OPCML: variants seen among roughly 807,000 people sequenced by gnomAD.
The protein encoded by OPCML is opioid-binding protein/cell adhesion molecule.
In OPCML, 13 loss-of-function variants were observed where a neutral mutation model predicts 37.8. The ratio of observed to expected loss-of-function variants is 0.34; its 90% CI spans 0.22 to 0.55. The LOEUF is 0.55. Ranked by LOEUF, OPCML falls within the 20% of genes least tolerant of loss-of-function variation. The pLI is 0.91. For missense variants in OPCML, 341 were observed against 435.6 expected (o/e 0.78, Z 1.93); for synonymous variants, 176 against 168.8 (o/e 1.04, Z -0.33).
At chr11:133,529,509 GT>G (rs1948559693) in intron 1 of OPCML, among the ~76,000 whole-genome samples, 1 of 152,212 alleles carries the variant, frequency 6.6e-6, no homozygotes, top group African/African-American at 2.4e-5. Flanking sequence ...TCTCCACGTG[GT>G]GACTGTCTTT....
intron 4 of OPCML, among the ~76,000 whole-genome samples, chr11:132,509,544 A>G (rs1008542170): frequency 6.6e-6 from 1 of 152,138 alleles, no homozygotes; most frequent in Non-Finnish European, 1.5e-5. Context: ...GGGTCCTCGT[A>G]TTGTGTGCAG....
At chr11:132,658,008 G>A (rs1213431632) in intron 2 of OPCML, among the ~76,000 whole-genome samples, 1 of 152,130 alleles carries the variant, frequency 6.6e-6, no homozygotes, top group East Asian at 1.9e-4. Flanking sequence ...TCAAAGCAGG[G>A]AACTGTGCAA....
intron 2 of OPCML, among the ~76,000 whole-genome samples, chr11:132,717,591 T>A (rs140096440): frequency 6.6e-6 from 1 of 152,196 alleles, no homozygotes; most frequent in Non-Finnish European, 1.5e-5. Flanking sequence ...TCTCCATACT[T>A]TCTATATTTT....
intron 1 of OPCML, among the ~76,000 whole-genome samples, chr11:133,483,404 T>C (rs1182282935): frequency 2.6e-5 from 4 of 151,604 alleles, no homozygotes; most frequent in South Asian, 2.1e-4. Flanking sequence ...AAATAGATGA[T>C]TGATAGATTA....
intron 7 of OPCML, 83 bp downstream of exon 7, chr11:132,436,003 G>A: frequency 7.0e-7 from 1 of 1,438,662 alleles, no homozygotes; most frequent in Non-Finnish European, 9.4e-7. Flanking sequence ...CACAGGCCAA[G>A]CAGATTGCAA....
At chr11:132,436,509 G>T (rs2298479) in intron 6 of OPCML, 150 bp downstream of exon 6, 15 of 1,422,540 alleles carry the variant, frequency 1.1e-5, no homozygotes, top group African/African-American at 8.7e-5. Flanking sequence ...TTTTTTTCTC[G>T]TTGTAAAAAT....
rs923049938 is a variant in OPCML at position 133,421,395 on chromosome 11, G to A, written c.61+110869C>T. ...GGGTGTCACTCGGAGACCAGAAGAA[G>A]AGAAATCAGGCATTTCGTTGTGTAT... On this transcript the variant is annotated intron_variant, in intron 1 of 7. Transcript: ENST00000524381. The A allele has an allele frequency of 1.6e-5, 16 of 985,284 alleles. No homozygotes were observed. In the East Asian group the frequency reaches 3.4e-4, roughly 21 times the overall value. The allele number at this position is 985,284 out of a possible 1,614,324, so 61.0% of individuals were successfully genotyped here. A position where few individuals can be genotyped will look rare whatever the true frequency, so the allele number is the denominator to read the frequency against.
chr11:132,647,028 G>A (rs1335900781), intron 3 of OPCML, among the ~76,000 whole-genome samples: 2 of 152,208 alleles, frequency 1.3e-5, no homozygotes, highest in Admixed American at 6.5e-5. Flanking sequence ...AATGCCTTAA[G>A]CAGAGGCAAC....
At chr11:133,222,444 G>A (rs1939876719) in intron 1 of OPCML, among the ~76,000 whole-genome samples, 1 of 152,186 alleles carries the variant, frequency 6.6e-6, no homozygotes, top group African/African-American at 2.4e-5. Flanking sequence ...GATGACACAT[G>A]CTGTTCCTGT....
chr11:132,920,132 G>A (rs1473132924), intron 2 of OPCML, among the ~76,000 whole-genome samples: 1 of 152,078 alleles, frequency 6.6e-6, no homozygotes, highest in African/African-American at 2.4e-5. Context: ...TTTAAAGAGT[G>A]GATTTTATGA....
chr11:132,834,665 A>G (rs1940905412), intron 2 of OPCML, among the ~76,000 whole-genome samples: 1 of 151,574 alleles, frequency 6.6e-6, no homozygotes, highest in South Asian at 2.1e-4. Flanking sequence ...CTGTGTCCAA[A>G]CTCCCTTCTT....
chr11:132,889,941 A>C (rs565470665), intron 2 of OPCML, among the ~76,000 whole-genome samples: 29 of 152,342 alleles, frequency 1.9e-4, no homozygotes, highest in Middle Eastern at 3.4e-3. Context: ...AATATGCACC[A>C]TTTTAATAGG....
intron 3 of OPCML, among the ~76,000 whole-genome samples, chr11:132,560,396 T>A (rs764180036): frequency 3.3e-5 from 5 of 152,334 alleles, no homozygotes; most frequent in Admixed American, 2.0e-4. Context: ...TAACAGGTGA[T>A]GTTTGGTTAT....
intron 1 of OPCML, among the ~76,000 whole-genome samples, chr11:132,982,777 T>A (rs1024061653): frequency 6.6e-6 from 1 of 152,126 alleles, no homozygotes; most frequent in Non-Finnish European, 1.5e-5. Context: ...ACTCGGATAT[T>A]TTCACTTTTT....
intron 1 of OPCML, among the ~76,000 whole-genome samples, chr11:133,171,652 C>G (rs1377850153): frequency 3.9e-5 from 6 of 152,328 alleles, no homozygotes; most frequent in African/African-American, 1.4e-4. Context: ...CAGTCAAGCT[C>G]TAAGACTGCT....
chr11:133,404,656 G>A (rs1342919046), intron 1 of OPCML, among the ~76,000 whole-genome samples: 2 of 152,210 alleles, frequency 1.3e-5, no homozygotes, highest in Admixed American at 1.3e-4. Flanking sequence ...GATAAGAGAA[G>A]CATAAACCAA....
At chr11:133,327,977 A>G (rs1943517861) in intron 1 of OPCML, among the ~76,000 whole-genome samples, 1 of 152,094 alleles carries the variant, frequency 6.6e-6, no homozygotes, top group South Asian at 2.1e-4. Flanking sequence ...TTTGGTGGCT[A>G]TTTTAGATAT....
intron 1 of OPCML, among the ~76,000 whole-genome samples, chr11:133,204,886 A>ATATATATATATGTGTG (rs1938985752): frequency 9.4e-5 from 4 of 42,604 alleles, no homozygotes; most frequent in South Asian, 7.7e-4. Flanking sequence ...ATATATATAT[A>ATATATATATATGTGTG]TATATATATA....
chr11:133,511,590 C>T (rs1257756941), intron 1 of OPCML, among the ~76,000 whole-genome samples: 1 of 152,108 alleles, frequency 6.6e-6, no homozygotes, highest in Admixed American at 6.5e-5. Flanking sequence ...CTCCTTTACC[C>T]CTTTCACATC....
Sources: gnomAD v4.1 joint callset for allele counts (sites outside exome capture counted in the v4.1 genomes callset) on GRCh38, gnomAD v4.1.1 for gene constraint, MANE v1.5 for transcripts, NCBI Gene and HGNC (gene_info 2026-07-23, HGNC 2026-07-21) for gene names.